SLC8A1: variants seen among roughly 807,000 people sequenced by gnomAD.
The protein encoded by SLC8A1 is solute carrier family 8 member A1, also known as sodium/calcium exchanger 1.
In SLC8A1, 18 loss-of-function variants were observed where a neutral mutation model predicts 68.3. The ratio of observed to expected loss-of-function variants is 0.26; its 90% CI spans 0.18 to 0.39. The LOEUF (loss-of-function observed/expected upper bound fraction) is 0.39. SLC8A1 is among the 10% of genes least tolerant of loss of function. The pLI is 1.00. For synonymous variants in SLC8A1, 475 were observed against 415.5 expected (o/e 1.14, Z -1.74); for missense variants, 985 against 1,156.7 (o/e 0.85, Z 2.15).
At chr2:40,294,436 C>T (rs2069940258) in intron 2 of SLC8A1, among the ~76,000 whole-genome samples, 1 of 152,072 alleles carries the variant, frequency 6.6e-6, no homozygotes, top group African/African-American at 2.4e-5. Context: ...AGTGGCTAAG[C>T]TAGGGTTTGA....
At position 40,372,127 on chromosome 2, in the gene SLC8A1, A is replaced by G. The variant is rs138754316; in HGVS notation, c.1808+56346T>C. Among the ~76,000 whole-genome samples the G allele has an allele frequency of 9.9e-5, 15 of 152,250 alleles. 1 individual carries two copies. In the East Asian group the frequency reaches 2.9e-3, roughly 30 times the overall value. On this transcript the variant is annotated intron_variant, in intron 2 of 7. Transcript: ENST00000406785. Reference sequence around the variant, plus strand: ...AGATAGCTTGCTACCAGAAATCAAGAAATATTTATAATAATCACATTCAAC... The same window carrying G: ...AGATAGCTTGCTACCAGAAATCAAGGAATATTTATAATAATCACATTCAAC...
chr2:40,215,801 A>T (rs2148809012), intron 2 of SLC8A1, among the ~76,000 whole-genome samples: 1 of 152,068 alleles, frequency 6.6e-6, no homozygotes, highest in Non-Finnish European at 1.5e-5. Flanking sequence ...TATGTTAGCT[A>T]CTATTATTAT....
intron 2 of SLC8A1, among the ~76,000 whole-genome samples, chr2:40,381,364 G>A (rs1358671558): frequency 6.6e-6 from 1 of 151,892 alleles, no homozygotes; most frequent in Non-Finnish European, 1.5e-5. Context: ...TTCTCTTAAA[G>A]TAAGTATAAC....
At chr2:40,400,071 C>T (rs910401873) in intron 2 of SLC8A1, among the ~76,000 whole-genome samples, 12 of 152,180 alleles carry the variant, frequency 7.9e-5, no homozygotes, top group African/African-American at 2.7e-4. Context: ...CACGTACCCG[C>T]TGCTTGCTCA....
chr2:40,313,480 G>A (rs10207312), intron 2 of SLC8A1, among the ~76,000 whole-genome samples: 13,209 of 151,858 alleles, frequency 0.087, 866 homozygotes, highest in African/African-American at 0.18. Context: ...TTAAAAAAAC[G>A]GTCTCCTAAG....
At chr2:40,278,863 G>GT (rs996930810) in intron 2 of SLC8A1, among the ~76,000 whole-genome samples, 6 of 151,952 alleles carry the variant, frequency 3.9e-5, no homozygotes, top group African/African-American at 1.2e-4. Context: ...TTATTAAAAG[G>GT]TTTTTTTTAA....
intron 2 of SLC8A1, among the ~76,000 whole-genome samples, chr2:40,291,594 A>G (rs1292773311): frequency 6.6e-6 from 1 of 152,024 alleles, no homozygotes; most frequent in African/African-American, 2.4e-5. Context: ...AAATGGCATA[A>G]TTTGAATGTG....
At chr2:40,115,727 A>T in intron 7 of SLC8A1, 98 bp from the exon 11 acceptor site, 1 of 1,459,988 alleles carries the variant, frequency 6.8e-7, no homozygotes, top group Non-Finnish European at 9.1e-7. Flanking sequence ...CCCAACCCTT[A>T]ATATAAACCC....
intron 1 of SLC8A1, among the ~76,000 whole-genome samples, chr2:40,434,930 T>C (rs890294384): frequency 2.6e-5 from 4 of 152,068 alleles, no homozygotes; most frequent in African/African-American, 9.7e-5. Context: ...AACTGCTTTG[T>C]AAAGGAAGAG....
intron 2 of SLC8A1, among the ~76,000 whole-genome samples, chr2:40,319,857 C>A (rs1218933357): frequency 1.3e-5 from 2 of 152,066 alleles, no homozygotes; most frequent in African/African-American, 4.8e-5. Flanking sequence ...AGATATATCA[C>A]AATTTTGCTC....
intron 7 of SLC8A1, among the ~76,000 whole-genome samples, chr2:40,119,588 C>T (rs901660395): frequency 4.6e-5 from 7 of 152,140 alleles, no homozygotes; most frequent in African/African-American, 1.4e-4. Context: ...AAATAAAATC[C>T]AAGAAATAAC....
intron 5 of SLC8A1, among the ~76,000 whole-genome samples, chr2:40,163,516 G>A (rs932348555): frequency 4.6e-5 from 7 of 152,186 alleles, no homozygotes; most frequent in Non-Finnish European, 2.9e-5. Context: ...GAAAAGATGA[G>A]TAGATGGGTC....
At chr2:40,292,641 T>TA (rs1025516251) in intron 2 of SLC8A1, among the ~76,000 whole-genome samples, 52 of 152,318 alleles carry the variant, frequency 3.4e-4, no homozygotes, top group African/African-American at 1.3e-3. Flanking sequence ...TGTGATCTAT[T>TA]AAATCAGTAA....
intron 2 of SLC8A1, among the ~76,000 whole-genome samples, chr2:40,299,933 G>T (rs1330467537): frequency 1.3e-5 from 2 of 152,094 alleles, no homozygotes; most frequent in Admixed American, 6.6e-5. Flanking sequence ...CCAAACTCCT[G>T]CATCCCATGC....
chr2:40,413,719 G>C (rs1231245503), intron 2 of SLC8A1, among the ~76,000 whole-genome samples: 1 of 152,092 alleles, frequency 6.6e-6, no homozygotes, highest in East Asian at 1.9e-4. Flanking sequence ...CTTTAAGAGG[G>C]AGCTCAAAGG....
At chr2:40,365,905 A>C (rs1337294625) in intron 2 of SLC8A1, among the ~76,000 whole-genome samples, 2 of 151,858 alleles carry the variant, frequency 1.3e-5, no homozygotes, top group Non-Finnish European at 2.9e-5. Context: ...AGGCTGAGGC[A>C]GGACTGATTA....
rs1441393528 is a variant in SLC8A1, at chr2:40,297,777, GC to G, written c.1809-119923del. On this transcript the variant is annotated intron_variant, in intron 2 of 7. Transcript: ENST00000406785. Reference sequence around the variant, plus strand: ...GTAACAGTCTCAAGAAATGAATGAAGCTTTAATGACTCATCTTCAATTCAAG... The same window carrying G: ...GTAACAGTCTCAAGAAATGAATGAAGTTTAATGACTCATCTTCAATTCAAG... 2.0e-5 allele frequency among the ~76,000 whole-genome samples: 3 copies of G among 152,134 alleles called. No homozygotes were observed. The South Asian group carries it at 6.2e-4, about 32-fold the overall frequency.
chr2:40,164,698 T>C (rs1410564200), intron 5 of SLC8A1, among the ~76,000 whole-genome samples, 156 bp downstream of exon 8: 1 of 152,134 alleles, frequency 6.6e-6, no homozygotes, highest in African/African-American at 2.4e-5. Context: ...AACTCTATAA[T>C]TCCAATTTGG....
exon 8 of SLC8A1, chr2:40,112,691 G>C (rs1440763949): frequency 6.6e-6 from 1 of 152,456 alleles, no homozygotes; most frequent in East Asian, 1.9e-4. Context: ...GGAAGGATGG[G>C]TTAGAATGAC....
Sources: allele counts gnomAD v4.1 joint callset (sites outside exome capture counted in the v4.1 genomes callset), GRCh38; gene constraint gnomAD v4.1.1; transcripts MANE v1.5; gene names NCBI Gene and HGNC (gene_info 2026-07-23, HGNC 2026-07-21).